The following CPXM2 variants were observed in gnomAD, a reference collection of about 807,000 sequenced individuals.
The protein encoded by CPXM2 is inactive carboxypeptidase-like protein X2.
CPXM2 carries 66 observed loss-of-function variants against 86.1 expected under a neutral mutation model. That is an observed-to-expected ratio of 0.77 (90% CI 0.63 to 0.94). CPXM2 has a LOEUF of 0.94. CPXM2 is among the 40% of genes least tolerant of loss of function. CPXM2 has a pLI of 0.00. For missense variants in CPXM2, 948 were observed against 1,026.3 expected, an observed-to-expected ratio of 0.92 and a Z score of 1.04; for synonymous variants, 388 against 400.2, an observed-to-expected ratio of 0.97 and a Z score of 0.36.
At chr10:123,916,776 CT>C (rs1796376206) in intron 2 of CPXM2, among the ~76,000 whole-genome samples, 1 of 128,498 alleles carries the variant, frequency 7.8e-6, no homozygotes, top group African/African-American at 2.6e-5. Flanking sequence ...CTCTCTCTCT[CT>C]CTTTTTTTTT....
At chr10:123,871,194 C>T (rs1252104620) in intron 2 of CPXM2, among the ~76,000 whole-genome samples, 2 of 152,226 alleles carry the variant, frequency 1.3e-5, no homozygotes, top group Non-Finnish European at 2.9e-5. Flanking sequence ...AGCCTACCCA[C>T]TCCTACCTTT....
intron 11 of CPXM2, among the ~76,000 whole-genome samples, chr10:123,761,638 T>C (rs529833200): frequency 6.6e-6 from 1 of 152,248 alleles, no homozygotes; most frequent in Admixed American, 6.5e-5. Flanking sequence ...GCAGATCCCT[T>C]TGGGTCTCCA....
chr10:123,821,473 C>A (rs1489075087), intron 4 of CPXM2, among the ~76,000 whole-genome samples: 1 of 152,234 alleles, frequency 6.6e-6, no homozygotes, highest in Non-Finnish European at 1.5e-5. Flanking sequence ...CTTCTGAAAA[C>A]TCTTCTGATT....
At chr10:123,820,606 C>T (rs1445945103) in intron 4 of CPXM2, among the ~76,000 whole-genome samples, 1 of 152,200 alleles carries the variant, frequency 6.6e-6, no homozygotes, top group African/African-American at 2.4e-5. Context: ...GTGCTGCAGG[C>T]TAGAATCTAA....
At chr10:123,886,798 T>G (rs1945184071) in intron 1 of CPXM2, among the ~76,000 whole-genome samples, 1 of 152,230 alleles carries the variant, frequency 6.6e-6, no homozygotes, top group African/African-American at 2.4e-5. Context: ...GATTTGATTG[T>G]TACTGCCAAG....
At chr10:123,888,537 T>C (rs79445371) in intron 1 of CPXM2, among the ~76,000 whole-genome samples, 5,998 of 152,208 alleles carry the variant, frequency 0.039, 174 homozygotes, top group East Asian at 0.12. Flanking sequence ...GTGCTTCTAT[T>C]ACACCACGAG....
chr10:123,805,793 T>C (rs545013635), intron 4 of CPXM2, among the ~76,000 whole-genome samples: 1 of 152,342 alleles, frequency 6.6e-6, no homozygotes, highest in East Asian at 1.9e-4. Flanking sequence ...TTTCTCTTTA[T>C]TGACTTATTA....
intron 4 of CPXM2, among the ~76,000 whole-genome samples, chr10:123,826,979 T>C (rs767423699): frequency 6.6e-6 from 1 of 152,186 alleles, no homozygotes; most frequent in Non-Finnish European, 1.5e-5. Flanking sequence ...TAATGGGTCA[T>C]TAGTATGAAG....
At chr10:123,867,618 C>T (rs1944816923) in intron 2 of CPXM2, among the ~76,000 whole-genome samples, 1 of 151,010 alleles carries the variant, frequency 6.6e-6, no homozygotes, top group Non-Finnish European at 1.5e-5. Context: ...CCGCAACCTC[C>T]ACCTCCCAGG....
At position 123,785,654 on chromosome 10, in the gene CPXM2, G is replaced by C. The variant is rs374662589; in HGVS notation, c.890-5399C>G. ...AGCTTCTTTTTTTTTTTTTTTTTGA[G>C]ACGCAGTCTTGCTCATTGCCCAGGC... is the stretch of plus-strand genomic sequence containing the variant. On this transcript the variant is annotated intron_variant, in intron 6 of 13. Transcript: ENST00000241305. Among the ~76,000 whole-genome samples, 273 of 142,494 alleles carry C rather than the reference G, an allele frequency of 1.9e-3. 1 individual carries two copies. Among genetic ancestry groups the C allele is most frequent in the African/African-American group, 7.0e-3 (263 of 37,826 alleles). 93.5% of individuals were successfully genotyped at this position (142,494 alleles called of 152,430 possible).
At chr10:123,911,323 T>C (rs1019770858) in intron 2 of CPXM2, among the ~76,000 whole-genome samples, 2 of 152,040 alleles carry the variant, frequency 1.3e-5, no homozygotes, top group African/African-American at 4.8e-5. Flanking sequence ...CAAGAACTGA[T>C]GGTCCAGGGG....
intron 4 of CPXM2, among the ~76,000 whole-genome samples, chr10:123,801,745 G>A (rs773132224): frequency 1.2e-4 from 18 of 152,102 alleles, no homozygotes; most frequent in Admixed American, 3.9e-4. Context: ...CTTGCCTTGC[G>A]TTCTCCGTGT....
upstream of CPXM2, among the ~76,000 whole-genome samples, chr10:123,944,031 G>C (rs76506032): frequency 4.4e-4 from 67 of 152,322 alleles, no homozygotes; most frequent in East Asian, 0.01. Flanking sequence ...AAGCTCCACA[G>C]CTTGGGATAG....
chr10:123,802,986 T>C (rs1847492214), intron 4 of CPXM2, among the ~76,000 whole-genome samples: 1 of 152,084 alleles, frequency 6.6e-6, no homozygotes. Flanking sequence ...TCCCCCTTTT[T>C]CAATTAAGTT....
rs1374985022 is a variant in CPXM2, at chr10:123,891,573, G to A, written c.87C>T (p.Ala29=). Residue 29 remains alanine, a synonymous_variant, in exon 1 of 14, where the codon GCC becomes GCT. Transcript: ENST00000241305. This position sits in a 1 kb window ranked among gnomAD's most constrained non-coding sequence, Gnocchi z 5.6. ...TLAGVGAQGA[A]LEDPDYYGQE... ...GCCCGTAATAATCAGGGTCCTCGAG[G>A]GCTGCGCCCTGGGCTCCGACCCCGG... 9.7e-6 allele frequency: 15 copies of A among 1,542,672 alleles called. No individual in the cohort carries two copies. In the East Asian group the frequency reaches 3.2e-4, roughly 33 times the overall value.
At chr10:123,752,214 A>G (rs1263984699) in intron 13 of CPXM2, 1 of 985,262 alleles carries the variant, frequency 1.0e-6, no homozygotes, top group Admixed American at 6.1e-5. Flanking sequence ...CAGCTATGCA[A>G]TCTACATTTG....
chr10:123,887,959 C>A (rs1347978620), intron 1 of CPXM2, among the ~76,000 whole-genome samples: 1 of 152,176 alleles, frequency 6.6e-6, no homozygotes, highest in African/African-American at 2.4e-5. Context: ...CTCTGGAAAC[C>A]TGTTAGCCAC....
rs771350253 is a variant in CPXM2 at position 123,794,766 on chromosome 10, TGTGC to T, written c.889+3206_889+3209del. Among the ~76,000 whole-genome samples, 654 of 150,090 alleles carry T rather than the reference TGTGC, an allele frequency of 4.4e-3. 5 individuals are homozygous for T. Among genetic ancestry groups the T allele is most frequent in the African/African-American group, 0.016 (621 of 39,882 alleles). On this transcript the variant is annotated intron_variant, in intron 6 of 13. Coordinates refer to ENST00000241305, the MANE Select transcript of CPXM2 (RefSeq NM_198148.3). ...GTGTGTGTGTGTGTGTGTGTGTGTG[TGTGC>T]GCATGTGTGTGTGTATTTGAGACAG...
chr10:123,784,029 C>G (rs1438322735), intron 6 of CPXM2, among the ~76,000 whole-genome samples: 7 of 152,198 alleles, frequency 4.6e-5, no homozygotes. Flanking sequence ...CTGAATTGTG[C>G]TCTCCCACCA....
Sources: allele counts gnomAD v4.1 joint callset (sites outside exome capture counted in the v4.1 genomes callset), GRCh38; gene constraint gnomAD v4.1.1; non-coding constraint Gnocchi (gnomAD v3.1); transcripts MANE v1.5; gene names NCBI Gene and HGNC (gene_info 2026-07-23, HGNC 2026-07-21).